The following ESR1 variants were observed in gnomAD, a reference collection of about 807,000 sequenced individuals.
ESR1 encodes estrogen receptor.
Under a neutral mutation model 52.7 loss-of-function variants are expected in ESR1, and 12 were observed. The observed-to-expected ratio is 0.23, with a 90% CI of 0.15 to 0.37. The LOEUF (loss-of-function observed/expected upper bound fraction) is 0.37, where lower values mean the gene tolerates loss of function less well. ESR1 is among the 10% of genes least tolerant of loss of function. The probability of loss-of-function intolerance (pLI) is 1.00; values close to 1 mark genes in which losing one functional copy is unlikely to be tolerated. For missense variants in ESR1, 584 were observed against 779.7 expected (o/e 0.75, Z 2.99); for synonymous variants, 305 against 316.8 (o/e 0.96, Z 0.39).
intron 6 of ESR1, among the ~76,000 whole-genome samples, chr6:152,116,722 C>T (rs910200681): frequency 1.3e-5 from 2 of 151,232 alleles, no homozygotes; most frequent in Admixed American, 6.6e-5. Context: ...ATAGTACATA[C>T]TTATATATTT....
At chr6:151,691,204 G>A (rs994054267) in intron 1 of ESR1, among the ~76,000 whole-genome samples, 1 of 152,156 alleles carries the variant, frequency 6.6e-6, no homozygotes, top group Non-Finnish European at 1.5e-5. Flanking sequence ...GCAAAAGAAC[G>A]AGCCCCTCTG....
chr6:152,003,881 T>A (rs2042142953), intron 4 of ESR1, among the ~76,000 whole-genome samples: 1 of 151,966 alleles, frequency 6.6e-6, no homozygotes, highest in South Asian at 2.1e-4. Context: ...TTTGAAAAAA[T>A]ATACATATTT....
At chr6:151,761,371 A>G (rs1020536947) in intron 2 of ESR1, among the ~76,000 whole-genome samples, 10 of 152,170 alleles carry the variant, frequency 6.6e-5, no homozygotes, top group African/African-American at 2.4e-4. Context: ...GGCCTATACT[A>G]CCCTAGGCTC....
chr6:151,809,138 C>A (rs897143719), intron 1 of ESR1: 1 of 422,312 alleles, frequency 2.4e-6, no homozygotes, highest in African/African-American at 2.1e-5. Flanking sequence ...AGCCCAGTGA[C>A]AAGCCTGTCC....
At chr6:151,945,072 G>A (rs766746198) in intron 4 of ESR1, among the ~76,000 whole-genome samples, 4 of 152,052 alleles carry the variant, frequency 2.6e-5, no homozygotes, top group Admixed American at 2.6e-4. Flanking sequence ...TTAAAAATTA[G>A]CTGGATGCAG....
intron 2 of ESR1, among the ~76,000 whole-genome samples, chr6:151,738,400 A>G (rs1314203131): frequency 6.6e-6 from 1 of 152,184 alleles, no homozygotes; most frequent in East Asian, 1.9e-4. Flanking sequence ...TTGTTGGATC[A>G]TATGGTAGTT....
chr6:152,041,329 C>G (rs1008942530), intron 5 of ESR1, among the ~76,000 whole-genome samples: 1 of 152,154 alleles, frequency 6.6e-6, no homozygotes, highest in African/African-American at 2.4e-5. Context: ...TCTTCTGGAT[C>G]CCACTCAAAA....
chr6:151,931,418 G>A (rs1218571380), intron 3 of ESR1, among the ~76,000 whole-genome samples: 1 of 151,466 alleles, frequency 6.6e-6, no homozygotes, highest in Non-Finnish European at 1.5e-5. Context: ...ATCTTTTATT[G>A]TATGTTGTCT....
chr6:151,928,232 T>C (rs1436943621), intron 3 of ESR1, among the ~76,000 whole-genome samples: 1 of 152,218 alleles, frequency 6.6e-6, no homozygotes, highest in African/African-American at 2.4e-5. Flanking sequence ...TTTTGACTTA[T>C]GTAATGCATC....
intron 1 of ESR1, among the ~76,000 whole-genome samples, chr6:151,700,077 GAA>G (rs71681730): frequency 9.5e-5 from 12 of 126,888 alleles, no homozygotes; most frequent in East Asian, 8.5e-4. Flanking sequence ...GAGGACAAGT[GAA>G]AAAAAAAAAA....
intron 5 of ESR1, among the ~76,000 whole-genome samples, chr6:152,054,355 C>T (rs974151453): frequency 1.4e-4 from 22 of 152,078 alleles, no homozygotes; most frequent in Admixed American, 1.4e-3. Flanking sequence ...TGCCTAACAC[C>T]GAGGATCATT....
At chr6:152,041,058 CAA>C (rs1437978939) in intron 5 of ESR1, among the ~76,000 whole-genome samples, 2 of 152,164 alleles carry the variant, frequency 1.3e-5, no homozygotes, top group Non-Finnish European at 2.9e-5. Flanking sequence ...GACCTGTAGT[CAA>C]ACATACAGTT....
At chr6:152,018,352 A>G (rs910720630) in intron 5 of ESR1, among the ~76,000 whole-genome samples, 1 of 151,600 alleles carries the variant, frequency 6.6e-6, no homozygotes, top group African/African-American at 2.4e-5. Context: ...CCAGTAACAT[A>G]TTTATTAGCT....
chr6:151,677,894 AT>A (rs1380581917), intron 1 of ESR1, among the ~76,000 whole-genome samples: 1 of 152,226 alleles, frequency 6.6e-6, no homozygotes, highest in Non-Finnish European at 1.5e-5. Context: ...CTCAGGGGTT[AT>A]ACTTCTTTAC....
chr6:152,001,750 A>G (rs722208), intron 4 of ESR1, among the ~76,000 whole-genome samples: 58,294 of 151,930 alleles, frequency 0.38, 12,982 homozygotes, highest in African/African-American at 0.61. Context: ...GGTGGAAGAC[A>G]CTGAAATGAA....
chr6:151,902,479 C>A (rs1412024719), intron 3 of ESR1, among the ~76,000 whole-genome samples: 2 of 152,124 alleles, frequency 1.3e-5, no homozygotes, highest in African/African-American at 2.4e-5. Context: ...TATTCTGAGA[C>A]TCAAAGACAT....
At chr6:152,029,434 A>G in intron 5 of ESR1, among the ~76,000 whole-genome samples, 1 of 152,248 alleles carries the variant, frequency 6.6e-6, no homozygotes, top group East Asian at 1.9e-4. Context: ...ACCAATGCAC[A>G]GAAGTCCTTA....
At chr6:151,824,545 C>A (rs1159628710) in intron 1 of ESR1, among the ~76,000 whole-genome samples, 2 of 152,152 alleles carry the variant, frequency 1.3e-5, no homozygotes, top group African/African-American at 4.8e-5. Context: ...GAAGTCCTTG[C>A]CCATACCTAT....
chr6:151,813,468 G>A (rs1317500714), intron 1 of ESR1: 2 of 152,118 alleles, frequency 1.3e-5, no homozygotes, highest in African/African-American at 4.8e-5. Context: ...ATGGACCCTG[G>A]AGATGTTCAT....
Sources: allele counts gnomAD v4.1 joint callset (sites outside exome capture counted in the v4.1 genomes callset), GRCh38; gene constraint gnomAD v4.1.1; transcripts MANE v1.5; gene names NCBI Gene and HGNC (gene_info 2026-07-23, HGNC 2026-07-21).